ROR1: variants seen among roughly 807,000 people sequenced by gnomAD.
ROR1 encodes ROR family WNT receptor 1.
ROR1 carries 19 observed loss-of-function variants against 78.8 expected under a neutral mutation model. The ratio of observed to expected loss-of-function variants is 0.24; its 90% CI spans 0.17 to 0.35. ROR1 has a LOEUF of 0.35. ROR1 is among the 10% of genes least tolerant of loss of function. The pLI is 1.00. For missense variants in ROR1, 917 were observed against 1,177.8 expected, an observed-to-expected ratio of 0.78 and a Z score of 3.24; for synonymous variants, 386 against 433.6, an observed-to-expected ratio of 0.89 and a Z score of 1.36.
At position 64,140,264 on chromosome 1, in the gene ROR1, G is replaced by A; in HGVS notation, c.766G>A (p.Glu256Lys). Residue 256 changes from glutamate to lysine, a missense_variant, in exon 6 of 9, where the codon GAG becomes AAG. Glu to Lys is a moderately conservative substitution (Grantham distance 56, BLOSUM62 1). Coordinates refer to ENST00000371079, the MANE Select transcript of ROR1 (RefSeq NM_005012.4). ...DLCRDECEILENVLCQTEYIF... is the reference protein window; with the variant it reads ...DLCRDECEILKNVLCQTEYIF... ...GTGTCGCGATGAATGTGAAATCCTG[G>A]AGAATGTCCTGTGTCAAACAGAGTA... 3 of 1,614,132 alleles carry A rather than the reference G, an allele frequency of 1.9e-6. No homozygotes were observed. The highest frequency in any genetic ancestry group is 2.5e-6 in the Non-Finnish European group (3 of 1,180,024).
intron 4 of ROR1, among the ~76,000 whole-genome samples, chr1:64,073,167 G>A (rs527366142): frequency 6.6e-6 from 1 of 152,096 alleles, no homozygotes; most frequent in African/African-American, 2.4e-5. Flanking sequence ...ATGTAAATTT[G>A]TTTTATTTAT....
At chr1:64,068,280 A>G (rs72685140) in intron 4 of ROR1, among the ~76,000 whole-genome samples, 15,409 of 152,210 alleles carry the variant, frequency 0.1, 896 homozygotes, top group African/African-American at 0.14. Context: ...CTGGAGCTGC[A>G]TATTAAGTTT....
Position 64,066,357 on chromosome 1 carries a change from G to A in ROR1, c.482+15641G>A, listed in dbSNP as rs563349301. Among the ~76,000 whole-genome samples, 65 of 141,766 alleles carry A rather than the reference G, an allele frequency of 4.6e-4. No homozygotes were observed. In the East Asian group the frequency reaches 6.5e-3, roughly 14 times the overall value. The allele number at this position is 141,766 out of a possible 152,430, so 93.0% of individuals were successfully genotyped here. On this transcript the variant is annotated intron_variant, in intron 4 of 8. Coordinates refer to ENST00000371079, the MANE Select transcript of ROR1 (RefSeq NM_005012.4). ...TTTTGATATGGAATCTCCCTCTGTCGCCCTGGCTGGAGTGCAGTGGCGCCA... is the reference window on the plus strand; with the variant it reads ...TTTTGATATGGAATCTCCCTCTGTCACCCTGGCTGGAGTGCAGTGGCGCCA...
chr1:63,842,712 G>C (rs1645056463), intron 1 of ROR1, among the ~76,000 whole-genome samples: 1 of 151,792 alleles, frequency 6.6e-6, no homozygotes, highest in Admixed American at 6.6e-5. Context: ...GTGCCTTACT[G>C]GTCCTGCTTC....
intron 1 of ROR1, among the ~76,000 whole-genome samples, chr1:63,817,095 C>A (rs913880281): frequency 6.6e-6 from 1 of 152,190 alleles, no homozygotes; most frequent in African/African-American, 2.4e-5. Flanking sequence ...TTATAGGATG[C>A]CTTCTAAATA....
chr1:64,140,662 G>C (rs1649283437), intron 6 of ROR1, among the ~76,000 whole-genome samples: 1 of 152,072 alleles, frequency 6.6e-6, no homozygotes, highest in South Asian at 2.1e-4. Context: ...CTTAAACATA[G>C]AATTACTATA....
intron 4 of ROR1, among the ~76,000 whole-genome samples, chr1:64,103,849 C>T (rs1647671623): frequency 6.6e-6 from 1 of 152,066 alleles, no homozygotes; most frequent in Non-Finnish European, 1.5e-5. Flanking sequence ...TCATTGACCA[C>T]CCATTTGTGC....
At chr1:63,951,518 G>A (rs1349238698) in intron 1 of ROR1, among the ~76,000 whole-genome samples, 1 of 152,302 alleles carries the variant, frequency 6.6e-6, no homozygotes, top group South Asian at 2.1e-4. Context: ...AGGCCTGGCT[G>A]GCACAGCAGG....
chr1:63,971,986 A>C (rs116699056), intron 1 of ROR1, among the ~76,000 whole-genome samples: 4,305 of 152,200 alleles, frequency 0.028, 96 homozygotes, highest in Non-Finnish European at 0.046. Flanking sequence ...ACCGTTCCAC[A>C]CTTACCCTTT....
chr1:63,906,564 T>C (rs1645530703), intron 1 of ROR1, among the ~76,000 whole-genome samples: 1 of 152,140 alleles, frequency 6.6e-6, no homozygotes, highest in South Asian at 2.1e-4. Context: ...GTCTGCTCTT[T>C]AGTAAGTGTC....
At chr1:63,833,578 C>A (rs1285473460) in intron 1 of ROR1, among the ~76,000 whole-genome samples, 2 of 152,110 alleles carry the variant, frequency 1.3e-5, no homozygotes, top group Non-Finnish European at 2.9e-5. Context: ...GATGTGTTCT[C>A]CAAGCTCTGA....
chr1:63,900,134 C>G (rs899872869), intron 1 of ROR1, among the ~76,000 whole-genome samples: 1 of 152,102 alleles, frequency 6.6e-6, no homozygotes, highest in Non-Finnish European at 1.5e-5. Flanking sequence ...AAAGCTATTT[C>G]TAAGAATCTG....
intron 5 of ROR1, among the ~76,000 whole-genome samples, chr1:64,139,736 G>T (rs1649239844): frequency 6.6e-6 from 1 of 152,152 alleles, no homozygotes; most frequent in South Asian, 2.1e-4. Context: ...AACAAGTTCT[G>T]TCCCTACAGC....
At chr1:63,876,265 A>T (rs1046030436) in intron 1 of ROR1, among the ~76,000 whole-genome samples, 1 of 152,172 alleles carries the variant, frequency 6.6e-6, no homozygotes, top group African/African-American at 2.4e-5. Flanking sequence ...GCACACATAT[A>T]AAGAAAGCAC....
intron 4 of ROR1, among the ~76,000 whole-genome samples, chr1:64,115,214 G>A (rs1648272865): frequency 1.3e-5 from 2 of 151,830 alleles, no homozygotes; most frequent in South Asian, 4.2e-4. Context: ...AGGTGACCCT[G>A]GACACATTTC....
At position 63,792,612 on chromosome 1, in the gene ROR1, A is replaced by T. The variant is rs199889594; in HGVS notation, c.91+18104A>T. On this transcript the variant is annotated intron_variant, in intron 1 of 8. Transcript: ENST00000371079. ...CTGATTTATAAAATGGGCTAATAAA[A>T]TCTCAGAGGATTATTATGTATATTA... Among the ~76,000 whole-genome samples the T allele has an allele frequency of 1.6e-4, 25 of 152,338 alleles. No homozygotes were observed. The East Asian group carries it at 4.6e-3, about 28-fold the overall frequency.
intron 1 of ROR1, among the ~76,000 whole-genome samples, chr1:63,838,765 C>T (rs959622632): frequency 5.9e-5 from 9 of 152,132 alleles, no homozygotes; most frequent in Admixed American, 1.3e-4. Context: ...CTTTCACTCA[C>T]ACTGATTCAC....
intron 1 of ROR1, among the ~76,000 whole-genome samples, chr1:63,824,919 A>T (rs1644944550): frequency 6.6e-6 from 1 of 152,180 alleles, no homozygotes; most frequent in African/African-American, 2.4e-5. Flanking sequence ...TCTTAATAAT[A>T]TATGGTAAAT....
At chr1:63,960,802 T>A (rs919174651) in intron 1 of ROR1, among the ~76,000 whole-genome samples, 1 of 152,228 alleles carries the variant, frequency 6.6e-6, no homozygotes, top group Admixed American at 6.5e-5. Context: ...ATTAGGTTTT[T>A]GAGGAGAAAT....
Sources: allele counts gnomAD v4.1 joint callset (sites outside exome capture counted in the v4.1 genomes callset), GRCh38; gene constraint gnomAD v4.1.1; transcripts MANE v1.5; gene names NCBI Gene and HGNC (gene_info 2026-07-23, HGNC 2026-07-21).